ROR2: variants seen among roughly 807,000 people sequenced by gnomAD.
ROR2 encodes ROR family WNT receptor 2.
A neutral mutation model predicts 74.9 loss-of-function variants in ROR2; 33 were observed. The observed-to-expected ratio is 0.44, with a 90% CI of 0.33 to 0.59. The LOEUF is 0.59. Ranked by LOEUF, ROR2 falls within the 20% of genes least tolerant of loss-of-function variation. ROR2 has a pLI of 0.02. For synonymous variants in ROR2, 586 were observed against 558.7 expected, an observed-to-expected ratio of 1.05 and a Z score of -0.69; for missense variants, 1,216 against 1,313.8, an observed-to-expected ratio of 0.93 and a Z score of 1.15.
intron 1 of ROR2, among the ~76,000 whole-genome samples, chr9:91,864,936 C>T (rs1829584257): frequency 6.6e-6 from 1 of 152,166 alleles, no homozygotes; most frequent in Non-Finnish European, 1.5e-5. Context: ...GCTGTCACAT[C>T]ACTTTAGCGG....
chr9:91,832,970 A>G (rs1389075391), intron 1 of ROR2, among the ~76,000 whole-genome samples: 1 of 152,198 alleles, frequency 6.6e-6, no homozygotes, highest in Non-Finnish European at 1.5e-5. Flanking sequence ...TGCCCAGGTC[A>G]GCACAGCCCT....
At chr9:91,931,315 T>C (rs995451490) in intron 1 of ROR2, among the ~76,000 whole-genome samples, 1 of 152,198 alleles carries the variant, frequency 6.6e-6, no homozygotes, top group Non-Finnish European at 1.5e-5. Flanking sequence ...ATACTCTCCT[T>C]AATTAGAAGT....
intron 1 of ROR2, among the ~76,000 whole-genome samples, chr9:91,891,879 C>T (rs994087605): frequency 9.2e-5 from 14 of 152,052 alleles, no homozygotes; most frequent in Admixed American, 2.0e-4. Flanking sequence ...GAAAACCTAT[C>T]TCTACTAAAA....
chr9:91,937,106 C>T (rs1185448834), intron 1 of ROR2, among the ~76,000 whole-genome samples: 1 of 151,278 alleles, frequency 6.6e-6, no homozygotes, highest in East Asian at 1.9e-4. Flanking sequence ...TTTCTGCAGC[C>T]AGTAACACAA....
intron 1 of ROR2, among the ~76,000 whole-genome samples, chr9:91,786,964 G>A (rs558600126): frequency 1.8e-4 from 28 of 152,302 alleles, no homozygotes; most frequent in Admixed American, 6.5e-4. Context: ...AAAGACCTGG[G>A]ACAGGAGAGG....
chr9:91,730,694 T>A (rs1412994435), intron 7 of ROR2, among the ~76,000 whole-genome samples: 1 of 152,130 alleles, frequency 6.6e-6, no homozygotes, highest in African/African-American at 2.4e-5. Flanking sequence ...CCTCAAGTGA[T>A]CTGCCCACCT....
chr9:91,934,180 T>C (rs1371383537), intron 1 of ROR2, among the ~76,000 whole-genome samples: 1 of 152,206 alleles, frequency 6.6e-6, no homozygotes, highest in East Asian at 1.9e-4. Flanking sequence ...GGTTTCTTTT[T>C]CAAATCATCA....
chr9:91,899,704 C>T (rs143442288), intron 1 of ROR2, among the ~76,000 whole-genome samples: 117 of 150,230 alleles, frequency 7.8e-4, no homozygotes, highest in African/African-American at 2.6e-3. Flanking sequence ...ACACCTCAAC[C>T]CTTAGACACA....
At chr9:91,853,952 T>G (rs1329294662) in intron 1 of ROR2, among the ~76,000 whole-genome samples, 2 of 152,114 alleles carry the variant, frequency 1.3e-5, no homozygotes, top group Non-Finnish European at 2.9e-5. Flanking sequence ...CATCATAGAT[T>G]GGGCTCCCCA....
intron 2 of ROR2, among the ~76,000 whole-genome samples, chr9:91,769,070 G>A (rs965297887): frequency 7.9e-5 from 12 of 152,122 alleles, no homozygotes; most frequent in Non-Finnish European, 1.6e-4. Context: ...GCCGGGCGGA[G>A]GCAGACAAGA....
intron 1 of ROR2, among the ~76,000 whole-genome samples, chr9:91,818,896 G>A (rs535696303): frequency 6.6e-6 from 1 of 152,240 alleles, no homozygotes; most frequent in Non-Finnish European, 1.5e-5. Flanking sequence ...TGGGGGACCA[G>A]GGCCTCCCCA....
chr9:91,791,817 G>GCCTTTAATACATTTAATACATAA (rs1326262540), intron 1 of ROR2, among the ~76,000 whole-genome samples: 25 of 152,008 alleles, frequency 1.6e-4, no homozygotes, highest in African/African-American at 5.5e-4. Flanking sequence ...AAGATACTAG[G>GCCTTTAATACATTTAATACATAA]CCTTTAATAC....
In ROR2 at chr9:91,736,705, A is replaced by T. The variant is rs968238281; in HGVS notation, c.622+686T>A. 2.6e-5 allele frequency among the ~76,000 whole-genome samples: 4 copies of T among 152,046 alleles called. No individual in the cohort carries two copies. The East Asian group carries it at 7.7e-4, about 29-fold the overall frequency. ...GCCTTTCCCCTAAGAAGGACCCCGGACCCCATCAATGTGTTCGAGTTGTAT... is the reference window on the plus strand; with the variant it reads ...GCCTTTCCCCTAAGAAGGACCCCGGTCCCCATCAATGTGTTCGAGTTGTAT... On this transcript the variant is annotated intron_variant, in intron 5 of 8. Coordinates refer to ENST00000375708, the MANE Select transcript of ROR2 (RefSeq NM_004560.4).
intron 2 of ROR2, among the ~76,000 whole-genome samples, chr9:91,760,466 CA>C (rs1386672616): frequency 6.6e-6 from 1 of 151,808 alleles, no homozygotes; most frequent in Non-Finnish European, 1.5e-5. Flanking sequence ...ACCCTGTCTC[CA>C]CTAAAAATAA....
intron 1 of ROR2, among the ~76,000 whole-genome samples, chr9:91,900,798 C>T (rs1830659849): frequency 6.6e-6 from 1 of 152,200 alleles, no homozygotes; most frequent in South Asian, 2.1e-4. Context: ...CAAACAGAGG[C>T]ATAGGTTCCA....
intron 1 of ROR2, among the ~76,000 whole-genome samples, chr9:91,796,339 G>C (rs1827164001): frequency 6.6e-6 from 1 of 151,766 alleles, no homozygotes; most frequent in Non-Finnish European, 1.5e-5. Flanking sequence ...AGGCTGAAGT[G>C]GGAGGACTGC....
chr9:91,767,952 G>T (rs1826111353), intron 2 of ROR2, among the ~76,000 whole-genome samples: 1 of 152,196 alleles, frequency 6.6e-6, no homozygotes, highest in South Asian at 2.1e-4. Context: ...CAGATGTAAC[G>T]AAGTTAAGAG....
chr9:91,812,418 G>C (rs1008856470), intron 1 of ROR2, among the ~76,000 whole-genome samples: 1 of 152,050 alleles, frequency 6.6e-6, no homozygotes, highest in Non-Finnish European at 1.5e-5. Context: ...TGGGGAGGGG[G>C]GATGTCAGGG....
rs1587666487 is a variant in ROR2, at chr9:91,733,456, C to T, written c.623-20G>A. 1.9e-6 allele frequency: 3 copies of T among 1,605,038 alleles called. No homozygotes were observed. Among genetic ancestry groups the T allele is most frequent in the East Asian group, 2.2e-5 (1 of 44,688 alleles). ...AGGCCGCTGCAGAGCCCGCGAGACT[C>T]GCGTTAGCGGGGGACCCACCTTGCG... On this transcript the variant is annotated intron_variant, in intron 5 of 8. Transcript: ENST00000375708. The surrounding 1 kb of genome is among the most constrained non-coding windows in gnomAD (Gnocchi z 5.7).
Sources: allele counts gnomAD v4.1 joint callset (sites outside exome capture counted in the v4.1 genomes callset), GRCh38; gene constraint gnomAD v4.1.1; non-coding constraint Gnocchi (gnomAD v3.1); transcripts MANE v1.5; gene names NCBI Gene and HGNC (gene_info 2026-07-23, HGNC 2026-07-21).